The following CSMD1 variants were observed in gnomAD, a reference collection of about 807,000 sequenced individuals.
The protein encoded by CSMD1 is CUB and sushi domain-containing protein 1.
In CSMD1, 213 loss-of-function variants were observed where a neutral mutation model predicts 417.5. That is an observed-to-expected ratio of 0.51 (90% CI 0.46 to 0.57). The LOEUF is 0.57. CSMD1 is among the 20% of genes least tolerant of loss of function. CSMD1 has a pLI of 0.00. For synonymous variants in CSMD1, 2,862 were observed against 1,736.8 expected (o/e 1.65, Z -16.11); for missense variants, 6,923 against 4,529.7 (o/e 1.53, Z -15.17).
chr8:3,785,247 G>A lies in CSMD1; in HGVS notation c.819-31205C>T, dbSNP rs534175538. ...TCCATCACAGTTTGTGAAATGCTCA[G>A]AAGAGTGTCTGTTTCAAAGCAAGCA... On this transcript the variant is annotated intron_variant, in intron 5 of 69. Coordinates refer to ENST00000635120, the MANE Select transcript of CSMD1 (RefSeq NM_033225.6). 5.9e-5 allele frequency among the ~76,000 whole-genome samples: 9 copies of A among 152,330 alleles called. No individual in the cohort carries two copies. In the South Asian group the frequency reaches 1.4e-3, roughly 25 times the overall value.
At chr8:4,470,576 A>G (rs1800469212) in intron 2 of CSMD1, among the ~76,000 whole-genome samples, 1 of 152,224 alleles carries the variant, frequency 6.6e-6, no homozygotes, top group East Asian at 1.9e-4. Flanking sequence ...ATGTACAACC[A>G]AATAATATAA....
chr8:4,471,104 T>C (rs1800505598), intron 2 of CSMD1, among the ~76,000 whole-genome samples: 1 of 152,342 alleles, frequency 6.6e-6, no homozygotes, highest in Non-Finnish European at 1.5e-5. Flanking sequence ...TGTATTTGTG[T>C]GAAATGTTTA....
intron 26 of CSMD1, among the ~76,000 whole-genome samples, chr8:3,266,304 G>A (rs1458445481): frequency 1.3e-5 from 2 of 151,332 alleles, no homozygotes; most frequent in Non-Finnish European, 2.9e-5. Flanking sequence ...TCTGCAAGGG[G>A]CCGTTTAAGA....
intron 5 of CSMD1, among the ~76,000 whole-genome samples, chr8:3,911,532 T>TAAAA (rs1012148560): frequency 1.6e-3 from 181 of 114,206 alleles, no homozygotes; most frequent in African/African-American, 4.8e-3. Flanking sequence ...CGTCTCAAAA[T>TAAAA]AAAAAAAAAA....
At chr8:3,493,829 A>C (rs1400478411) in intron 10 of CSMD1, 103 bp from the exon 11 acceptor site, 3 of 842,452 alleles carry the variant, frequency 3.6e-6, no homozygotes, top group Admixed American at 2.4e-5. Flanking sequence ...TTTGCTCCTT[A>C]ATGCCAATGT....
chr8:4,702,397 C>T (rs955226901), intron 1 of CSMD1, among the ~76,000 whole-genome samples: 1 of 152,174 alleles, frequency 6.6e-6, no homozygotes, highest in African/African-American at 2.4e-5. Flanking sequence ...GACTTTTGAA[C>T]AACAGTTTTG....
chr8:4,888,785 G>C (rs1014378010), intron 1 of CSMD1, among the ~76,000 whole-genome samples: 2 of 152,038 alleles, frequency 1.3e-5, no homozygotes, highest in Non-Finnish European at 2.9e-5. Context: ...AAAAATCACA[G>C]GACATATCAA....
In CSMD1 at chr8:3,592,686, GCACATCCGTGTGTGTGT is replaced by G. The variant is rs1800905083; in HGVS notation, c.1098-6443_1098-6427del. ...TGTGTGTGCACATCCGTGTGTGTGT[GCACATCCGTGTGTGTGT>G]GTGTGTGAGTATGCACAGCTTTGAT... On this transcript the variant is annotated intron_variant, in intron 8 of 69. Coordinates refer to ENST00000635120, the MANE Select transcript of CSMD1 (RefSeq NM_033225.6). 3.4e-5 allele frequency among the ~76,000 whole-genome samples: 5 copies of G among 148,004 alleles called. No homozygotes were observed. In the South Asian group the frequency reaches 8.7e-4, roughly 26 times the overall value.
chr8:4,603,736 T>C (rs550042838), intron 2 of CSMD1, among the ~76,000 whole-genome samples: 2 of 152,158 alleles, frequency 1.3e-5, no homozygotes, highest in Admixed American at 6.5e-5. Context: ...TGAAAAAATA[T>C]TGTTAGACAA....
intron 4 of CSMD1, among the ~76,000 whole-genome samples, chr8:4,023,590 T>A (rs2130518919): frequency 6.7e-6 from 1 of 150,354 alleles, no homozygotes; most frequent in African/African-American, 2.5e-5. Flanking sequence ...CAACTTTTTT[T>A]TTTTTTTTTT....
chr8:3,495,450 G>C (rs1484154425), intron 10 of CSMD1, among the ~76,000 whole-genome samples: 1 of 152,086 alleles, frequency 6.6e-6, no homozygotes, highest in East Asian at 1.9e-4. Flanking sequence ...ATTAGGGGTG[G>C]AAAAAGGGCC....
intron 26 of CSMD1, among the ~76,000 whole-genome samples, chr8:3,231,070 G>A (rs905410292): frequency 2.0e-5 from 3 of 152,038 alleles, no homozygotes; most frequent in Non-Finnish European, 2.9e-5. Flanking sequence ...AATCACAGAA[G>A]GCTACCGCAA....
At chr8:4,193,459 C>T (rs1799151909) in intron 3 of CSMD1, among the ~76,000 whole-genome samples, 1 of 152,114 alleles carries the variant, frequency 6.6e-6, no homozygotes, top group African/African-American at 2.4e-5. Context: ...GTCATGTTTT[C>T]CCTGGATGGA....
intron 3 of CSMD1, among the ~76,000 whole-genome samples, chr8:4,154,086 G>A (rs1381378859): frequency 2.6e-5 from 4 of 152,126 alleles, no homozygotes; most frequent in Non-Finnish European, 5.9e-5. Flanking sequence ...AAGAAACACT[G>A]AAAATACAGC....
chr8:3,053,395 T>A (rs1436849198), intron 49 of CSMD1, among the ~76,000 whole-genome samples: 2 of 152,160 alleles, frequency 1.3e-5, no homozygotes, highest in Admixed American at 1.3e-4. Flanking sequence ...TCGAAATTCC[T>A]AAGAATCAGC....
intron 7 of CSMD1, among the ~76,000 whole-genome samples, chr8:3,632,891 T>C (rs1563216976): frequency 1.3e-5 from 2 of 152,236 alleles, no homozygotes; most frequent in African/African-American, 4.8e-5. Flanking sequence ...TCTCTGAGAA[T>C]GGCAGACAAC....
At chr8:3,947,684 C>A (rs1563242126) in intron 5 of CSMD1, among the ~76,000 whole-genome samples, 1 of 152,130 alleles carries the variant, frequency 6.6e-6, no homozygotes, top group Admixed American at 6.6e-5. Context: ...GATAATATAA[C>A]ATAGTATCAA....
At chr8:3,069,366 T>G (rs1478656026) in intron 49 of CSMD1, among the ~76,000 whole-genome samples, 1 of 149,854 alleles carries the variant, frequency 6.7e-6, no homozygotes, top group Non-Finnish European at 1.5e-5. Flanking sequence ...AACTGGAAGG[T>G]GGAGGTTGCA....
intron 10 of CSMD1, among the ~76,000 whole-genome samples, chr8:3,563,361 A>G: frequency 6.6e-6 from 1 of 150,468 alleles, no homozygotes; most frequent in East Asian, 2.0e-4. Flanking sequence ...TTACTATTGT[A>G]TTTAAGTACG....
Sources: allele counts gnomAD v4.1 joint callset (sites outside exome capture counted in the v4.1 genomes callset), GRCh38; gene constraint gnomAD v4.1.1; transcripts MANE v1.5; gene names NCBI Gene and HGNC (gene_info 2026-07-23, HGNC 2026-07-21).